The following SCTR variants were observed in gnomAD, a reference collection of about 807,000 sequenced individuals.
SCTR encodes the protein pancreatic secretin receptor.
A neutral mutation model predicts 60.8 loss-of-function variants in SCTR; 56 were observed. The ratio of observed to expected loss-of-function variants is 0.92; its 90% confidence interval spans 0.74 to 1.15. The LOEUF is 1.15. Ranked by LOEUF, SCTR falls within the 50% of genes most tolerant of loss-of-function variation. SCTR has a pLI of 0.00. For synonymous variants in SCTR, 202 were observed against 217.0 expected, an observed-to-expected ratio of 0.93 and a Z score of 0.61; for missense variants, 562 against 550.4, an observed-to-expected ratio of 1.02 and a Z score of -0.21.
chr2:119,445,810 C>T (rs1232749953), intron 11 of SCTR, among the ~76,000 whole-genome samples: 1 of 152,192 alleles, frequency 6.6e-6, no homozygotes, highest in African/African-American at 2.4e-5. Context: ...CTGGGAAGCT[C>T]CCTATCATAC....
At chr2:119,491,466 T>G (rs571455043) in intron 2 of SCTR, among the ~76,000 whole-genome samples, 1 of 152,184 alleles carries the variant, frequency 6.6e-6, no homozygotes, top group Non-Finnish European at 1.5e-5. Context: ...ACCCACATAC[T>G]GTTCTTATCT....
chr2:119,508,383 C>CTTTTTTTTTTTTTTTTTTTTT (rs34070844), intron 1 of SCTR, among the ~76,000 whole-genome samples: 17 of 77,406 alleles, frequency 2.2e-4, no homozygotes, highest in East Asian at 4.7e-4. Context: ...TCTTCTTCTT[C>CTTTTTTTTTTTTTTTTTTTTT]TTTTTTTTTT....
intron 10 of SCTR, among the ~76,000 whole-genome samples, chr2:119,447,313 A>C (rs1032286904): frequency 6.6e-6 from 1 of 152,200 alleles, no homozygotes; most frequent in Non-Finnish European, 1.5e-5. Context: ...CAAACTTAGC[A>C]AATAAAAATA....
intron 1 of SCTR, among the ~76,000 whole-genome samples, chr2:119,509,773 C>CA (rs753569627): frequency 1.4e-4 from 21 of 152,242 alleles, no homozygotes; most frequent in Non-Finnish European, 2.8e-4. Flanking sequence ...TTACCCCGAA[C>CA]AGAAGCTCTG....
intron 1 of SCTR, among the ~76,000 whole-genome samples, chr2:119,504,345 C>A (rs1287405784): frequency 1.3e-5 from 2 of 152,168 alleles, no homozygotes; most frequent in African/African-American, 4.8e-5. Context: ...GTAATCTCAG[C>A]ACTTTGGGAG....
At chr2:119,517,743 G>A (rs1162601433) in intron 1 of SCTR, among the ~76,000 whole-genome samples, 1 of 152,178 alleles carries the variant, frequency 6.6e-6, no homozygotes, top group East Asian at 1.9e-4. Context: ...GGTTGGGTGA[G>A]ATGGCTGTCA....
intron 9 of SCTR, 145 bp from the exon 10 acceptor site, chr2:119,448,925 AT>A (rs1376685392): frequency 1.1e-5 from 7 of 613,980 alleles, no homozygotes; most frequent in Non-Finnish European, 1.5e-5. Context: ...GCTCCTCTCC[AT>A]CCCCTCCCCA....
intron 3 of SCTR, among the ~76,000 whole-genome samples, chr2:119,475,937 C>T (rs781599778): frequency 1.3e-5 from 2 of 151,930 alleles, no homozygotes; most frequent in Non-Finnish European, 2.9e-5. Context: ...GGAAGACCAG[C>T]GTCCTTTTCA....
In SCTR at chr2:119,459,210, A is replaced by G. The variant is rs191479861; in HGVS notation, c.790+2637T>C. Among the ~76,000 whole-genome samples, 47 of 152,320 alleles carry G rather than the reference A, an allele frequency of 3.1e-4. No homozygotes were observed. In the East Asian group the frequency reaches 3.9e-3, roughly 13 times the overall value. On this transcript the variant is annotated intron_variant, in intron 7 of 12. Coordinates refer to ENST00000019103, the MANE Select transcript of SCTR (RefSeq NM_002980.3). ...GGTTAAATACATCTATATCACATCT[A>G]TCTATCTATGTGGTAGTTTAAAATG...
intron 2 of SCTR, among the ~76,000 whole-genome samples, chr2:119,488,749 T>C (rs138544505): frequency 8.5e-5 from 13 of 152,300 alleles, no homozygotes; most frequent in Admixed American, 2.0e-4. Context: ...AGAGAGGCCA[T>C]GAGAGGAGCT....
chr2:119,442,498 A>T (rs1410805392), intron 11 of SCTR, among the ~76,000 whole-genome samples: 1 of 152,178 alleles, frequency 6.6e-6, no homozygotes, highest in Non-Finnish European at 1.5e-5. Context: ...GCCTGTAGCT[A>T]CTTATGATAT....
chr2:119,456,067 T>A (rs1301724562), intron 7 of SCTR, among the ~76,000 whole-genome samples: 2 of 148,056 alleles, frequency 1.4e-5, no homozygotes, highest in African/African-American at 5.0e-5. Context: ...TCAACTTTTT[T>A]TTTTTTTTTT....
chr2:119,477,607 C>T (rs113050521), intron 3 of SCTR, among the ~76,000 whole-genome samples: 8 of 152,194 alleles, frequency 5.3e-5, no homozygotes, highest in South Asian at 2.1e-4. Flanking sequence ...TGCACCACCA[C>T]GCCTAGCTAA....
At chr2:119,519,844 A>G (rs1679235282) in intron 1 of SCTR, among the ~76,000 whole-genome samples, 1 of 116,494 alleles carries the variant, frequency 8.6e-6, no homozygotes, top group Non-Finnish European at 1.9e-5. Context: ...AAGAAAAGAA[A>G]AACAAAGAAA....
At position 119,441,802 on chromosome 2, in the gene SCTR, T is replaced by A. The variant is rs1682666966; in HGVS notation, c.1141-203A>T. ...CTGTGCTGGCTCATCCAGCATAAAC[T>A]GTGAACTCCTTGCAGCCAAGGGTAG... On this transcript the variant is annotated intron_variant, in intron 11 of 12. Coordinates refer to ENST00000019103, the MANE Select transcript of SCTR (RefSeq NM_002980.3). 1.2e-5 allele frequency: 7 copies of A among 567,504 alleles called. 1 individual carries two copies. In the Admixed American group the frequency reaches 1.9e-4, roughly 15 times the overall value. The allele number at this position is 567,504 out of a possible 1,614,324, so 35.2% of individuals were successfully genotyped here.
chr2:119,493,641 CTTTT>C (rs35864019), intron 2 of SCTR, among the ~76,000 whole-genome samples: 2 of 133,404 alleles, frequency 1.5e-5, no homozygotes, highest in East Asian at 2.2e-4. Flanking sequence ...CATTCTTCTT[CTTTT>C]TTTTTTTTTT....
chr2:119,453,145 G>A (rs1304071501), intron 8 of SCTR, 142 bp downstream of exon 8: 1 of 669,018 alleles, frequency 1.5e-6, no homozygotes, highest in East Asian at 2.7e-5. Flanking sequence ...GGGAAGCAGT[G>A]AGCATCAGTC....
intron 1 of SCTR, among the ~76,000 whole-genome samples, chr2:119,507,676 T>C (rs893269450): frequency 1.5e-5 from 2 of 131,052 alleles, no homozygotes; most frequent in Middle Eastern, 4.0e-3. Context: ...TTTTTTTTTT[T>C]TTTCTTTTTT....
intron 2 of SCTR, among the ~76,000 whole-genome samples, chr2:119,487,791 G>A (rs568915662): frequency 1.8e-4 from 27 of 152,136 alleles, no homozygotes; most frequent in African/African-American, 6.5e-4. Flanking sequence ...TGGCGGGCTC[G>A]GTGACAGCTC....
Sources: allele counts gnomAD v4.1 joint callset (sites outside exome capture counted in the v4.1 genomes callset), GRCh38; gene constraint gnomAD v4.1.1; transcripts MANE v1.5; gene names NCBI Gene and HGNC (gene_info 2026-07-23, HGNC 2026-07-21).